Variants in TMEM181 observed in about 807,000 individuals in gnomAD.
The protein encoded by TMEM181 is transmembrane protein 181.
In TMEM181, 39 loss-of-function variants were observed where a neutral mutation model predicts 71.9. The observed-to-expected ratio is 0.54, with a 90% CI of 0.42 to 0.71. The LOEUF (loss-of-function observed/expected upper bound fraction) is 0.71, where lower values mean the gene tolerates loss of function less well. Among genes scored for constraint, TMEM181 ranks in the 30% least tolerant of loss-of-function variants. TMEM181 has a pLI of 0.00. For synonymous variants in TMEM181, 245 were observed against 228.8 expected (o/e 1.07, Z -0.64); for missense variants, 595 against 583.0 (o/e 1.02, Z -0.21).
At chr6:158,585,681 C>T (rs1223713755) in intron 5 of TMEM181, among the ~76,000 whole-genome samples, 4 of 152,216 alleles carry the variant, frequency 2.6e-5, no homozygotes, top group Non-Finnish European at 4.4e-5. Flanking sequence ...TATGCATGCA[C>T]ACACATATAC....
At chr6:158,627,812 T>C (rs1786413753) in intron 13 of TMEM181, among the ~76,000 whole-genome samples, 1 of 134,084 alleles carries the variant, frequency 7.5e-6, no homozygotes, top group South Asian at 2.3e-4. Flanking sequence ...TGTTAAGCCT[T>C]CTGGCTGAGG....
chr6:158,586,901 G>A (rs183482572), intron 5 of TMEM181, among the ~76,000 whole-genome samples: 7 of 152,244 alleles, frequency 4.6e-5, no homozygotes, highest in Admixed American at 3.9e-4. Flanking sequence ...GCATCCCTGC[G>A]TCCCCCAGTG....
chr6:158,622,275 CTTT>C (rs1222091090), intron 10 of TMEM181, among the ~76,000 whole-genome samples: 9 of 151,814 alleles, frequency 5.9e-5, no homozygotes, highest in Non-Finnish European at 1.5e-5. Context: ...CGTGCTCTCT[CTTT>C]TTCAAAATAT....
chr6:158,627,374 TTCTC>T (rs962631409), intron 13 of TMEM181, among the ~76,000 whole-genome samples: 4 of 152,240 alleles, frequency 2.6e-5, no homozygotes, highest in Non-Finnish European at 5.9e-5. Context: ...GCAGACAGGC[TTCTC>T]TCTGTCACGG....
intron 10 of TMEM181, chr6:158,611,559 C>T (rs1785313495): frequency 4.9e-6 from 2 of 410,888 alleles, no homozygotes; most frequent in Non-Finnish European, 4.8e-6. Context: ...CTTAAAGCTG[C>T]AGGCTTCCTT....
chr6:158,559,949 C>G (rs961355462), upstream of TMEM181: 4 of 609,130 alleles, frequency 6.6e-6, no homozygotes, highest in African/African-American at 8.1e-5. Flanking sequence ...TGCTCCCGGC[C>G]GTGGGGCTCC....
At chr6:158,565,288 G>A (rs1025389040) in intron 1 of TMEM181, among the ~76,000 whole-genome samples, 4 of 152,222 alleles carry the variant, frequency 2.6e-5, no homozygotes, top group Admixed American at 6.5e-5. Context: ...TGAACCCCTC[G>A]TGAGCCCTAT....
chr6:158,557,797 G>A (rs139184871), upstream of TMEM181, among the ~76,000 whole-genome samples: 4 of 152,344 alleles, frequency 2.6e-5, no homozygotes, highest in East Asian at 7.7e-4. Flanking sequence ...TTATAGGCGT[G>A]AGCCACCATG....
At chr6:158,605,157 T>TAA in intron 6 of TMEM181, 110 bp from the exon 7 acceptor site, 1 of 656,330 alleles carries the variant, frequency 1.5e-6, no homozygotes, top group Non-Finnish European at 2.7e-6. Context: ...TGTGTGTGTG[T>TAA]GTATGTGTAT....
intron 9 of TMEM181, 78 bp downstream of exon 9, chr6:158,608,541 A>G: frequency 1.2e-6 from 2 of 1,609,686 alleles, no homozygotes; most frequent in Non-Finnish European, 1.7e-6. Flanking sequence ...ACAGCCCAGA[A>G]AGGTGAATTT....
intron 1 of TMEM181, among the ~76,000 whole-genome samples, chr6:158,542,371 C>G (rs931555571): frequency 6.6e-6 from 1 of 152,100 alleles, no homozygotes; most frequent in African/African-American, 2.4e-5. Context: ...AGTACTGGAC[C>G]AAGTGTTTAC....
intron 10 of TMEM181, chr6:158,610,979 GT>G: frequency 2.4e-6 from 1 of 425,282 alleles, no homozygotes. Flanking sequence ...GATCAGACCA[GT>G]TGCTTCCTGA....
intron 1 of TMEM181, among the ~76,000 whole-genome samples, chr6:158,546,487 G>A (rs1314632177): frequency 6.6e-6 from 1 of 152,178 alleles, no homozygotes; most frequent in Non-Finnish European, 1.5e-5. Flanking sequence ...CTGAACCCCA[G>A]GAAGGAGCTG....
chr6:158,622,567 A>G (rs1786027688), intron 10 of TMEM181, among the ~76,000 whole-genome samples: 1 of 152,188 alleles, frequency 6.6e-6, no homozygotes, highest in African/African-American at 2.4e-5. Flanking sequence ...GTGCTATCAG[A>G]TTGGCATGCA....
intron 10 of TMEM181, chr6:158,609,781 A>T (rs746851920): frequency 7.9e-6 from 2 of 253,886 alleles, no homozygotes; most frequent in Non-Finnish European, 1.7e-5. Flanking sequence ...TGACTCTGGC[A>T]GTCTCCAGGA....
At chr6:158,582,080 C>G (rs145493623) in intron 3 of TMEM181, among the ~76,000 whole-genome samples, 493 of 152,286 alleles carry the variant, frequency 3.2e-3, no homozygotes, top group African/African-American at 0.011. Context: ...CTAAAACTTA[C>G]ACCATTTGAT....
chr6:158,632,064 A>C lies in TMEM181; in HGVS notation c.*176A>C. On this transcript the variant is annotated 3_prime_UTR_variant, in exon 17 of 17. Coordinates refer to ENST00000684151, the MANE Select transcript of TMEM181 (RefSeq NM_001376852.1). ...GAGGGTAAATTTAAATGTTTAGCCA[A>C]ATTTATTGTCATGGTGGCTACGAGA... The C allele has an allele frequency of 1.6e-6, 1 of 630,804 alleles. No individual in the cohort carries two copies. The highest frequency in any genetic ancestry group is 2.8e-5 in the East Asian group (1 of 35,808). The allele number at this position is 630,804 out of a possible 1,614,324, so 39.1% of individuals were successfully genotyped here. A position where few individuals can be genotyped will look rare whatever the true frequency, so the allele number is the denominator to read the frequency against.
In TMEM181 at chr6:158,573,425, C is replaced by T. The variant is rs371659971; in HGVS notation, c.14C>T (p.Ala5Val). The T allele has an allele frequency of 4.0e-5, 63 of 1,579,526 alleles. No homozygotes were observed. The African/African-American group carries it at 4.2e-4, about 11-fold the overall frequency. The change falls in exon 2 of 17, where the codon GCG (alanine) becomes GTG (valine). Residue 5 changes from alanine (A) to valine (V), a missense_variant. By Grantham distance (64) the Ala-to-Val change is moderately conservative. Coordinates refer to ENST00000684151, the MANE Select transcript of TMEM181 (RefSeq NM_001376852.1). The part of the protein sequence containing the change: MEPL[A>V]PMRLYTLSKR... ...CTGCTGGCTTCTGCCCCCAGGCTGG[C>T]GCCCATGCGGCTCTACACGCTCTCC... is the stretch of plus-strand genomic sequence containing the variant.
rs1219775721 is a variant in TMEM181, at chr6:158,573,458, A to T, written c.47A>T (p.His16Leu). Reference protein sequence around the residue: ...PMRLYTLSKRHFVLVFVVFFI... With the variant: ...PMRLYTLSKRLFVLVFVVFFI... ...CGGCTCTACACGCTCTCCAAGCGCCACTTTGTCCTCGTGTTTGTCGTCTTC... is the reference window on the plus strand; with the variant it reads ...CGGCTCTACACGCTCTCCAAGCGCCTCTTTGTCCTCGTGTTTGTCGTCTTC... The change falls in exon 2 of 17, where the codon CAC becomes CTC. Residue 16 changes from histidine (H) to leucine (L), a missense_variant. Physicochemically the swap from His to Leu is moderately conservative, Grantham distance 99. Coordinates refer to ENST00000684151, the MANE Select transcript of TMEM181 (RefSeq NM_001376852.1). 6.9e-6 allele frequency: 11 copies of T among 1,602,740 alleles called. No homozygotes were observed. The highest frequency in any genetic ancestry group is 9.4e-6 in the Non-Finnish European group (11 of 1,174,928).
Sources: allele counts gnomAD v4.1 joint callset (sites outside exome capture counted in the v4.1 genomes callset), GRCh38; gene constraint gnomAD v4.1.1; transcripts MANE v1.5; gene names NCBI Gene and HGNC (gene_info 2026-07-23, HGNC 2026-07-21).